LCP1: variants seen among roughly 807,000 people sequenced by gnomAD.
LCP1 encodes lymphocyte cytosolic protein 1.
LCP1 carries 23 observed loss-of-function variants against 72.0 expected under a neutral mutation model. The ratio of observed to expected loss-of-function variants is 0.32; its 90% CI spans 0.23 to 0.45. LCP1 has a LOEUF of 0.45. Ranked by LOEUF, LCP1 falls within the 20% of genes least tolerant of loss-of-function variation. LCP1 has a pLI of 1.00. For missense variants in LCP1, 571 were observed against 748.3 expected, an observed-to-expected ratio of 0.76 and a Z score of 2.76; for synonymous variants, 245 against 275.4, an observed-to-expected ratio of 0.89 and a Z score of 1.09.
chr13:46,162,939 T>A (rs1400259602), intron 1 of LCP1, among the ~76,000 whole-genome samples: 1 of 150,304 alleles, frequency 6.7e-6, no homozygotes, highest in Non-Finnish European at 1.5e-5. Flanking sequence ...GAGGCGCCCC[T>A]CCGCCTGGCA....
intron 1 of LCP1, among the ~76,000 whole-genome samples, chr13:46,164,722 C>T (rs377466985): frequency 5.3e-5 from 8 of 152,216 alleles, no homozygotes; most frequent in African/African-American, 1.9e-4. Flanking sequence ...TTACCATCAG[C>T]ATGAGCAGCA....
intron 14 of LCP1, 70 bp downstream of exon 14, chr13:46,134,057 A>G: frequency 6.5e-7 from 1 of 1,542,166 alleles, no homozygotes; most frequent in Non-Finnish European, 8.9e-7. Context: ...GGTCACTTGA[A>G]CACATAATGA....
At position 46,148,389 on chromosome 13, in the gene LCP1, CCTT is replaced by C. The variant is rs1228364150; in HGVS notation, c.938_940del (p.Glu313del). 1.9e-6 allele frequency: 3 copies of C among 1,613,494 alleles called. No homozygotes were observed. The highest frequency in any genetic ancestry group is 2.2e-5 in the East Asian group (1 of 44,878). ...CATGTCAATAACAACAGCAGGAACA[CCTT>C]CTTCATCTCCTTTTGGAGCCACCTG... On this transcript the variant is annotated inframe_deletion, in exon 9 of 16. Transcript: ENST00000323076.
At chr13:46,128,455 A>G (rs558201516) in intron 15 of LCP1, among the ~76,000 whole-genome samples, 9 of 152,196 alleles carry the variant, frequency 5.9e-5, no homozygotes, top group Non-Finnish European at 8.8e-5. Flanking sequence ...AAAATTAGCC[A>G]GGCGTGGTGG....
At chr13:46,138,231 G>A (rs1230272059) in intron 13 of LCP1, among the ~76,000 whole-genome samples, 1 of 139,100 alleles carries the variant, frequency 7.2e-6, no homozygotes, top group Admixed American at 6.8e-5. Flanking sequence ...AGGAAAAAAT[G>A]ACAAGCCATT....
intron 10 of LCP1, among the ~76,000 whole-genome samples, chr13:46,145,425 T>C (rs1427668580): frequency 6.6e-6 from 1 of 152,044 alleles, no homozygotes; most frequent in Non-Finnish European, 1.5e-5. Flanking sequence ...AATTAGTGTA[T>C]GAGGTAATGA....
chr13:46,134,361 T>C lies in LCP1; in HGVS notation c.1503-111A>G. 3 of 854,108 alleles carry C rather than the reference T, an allele frequency of 3.5e-6. No individual in the cohort carries two copies. In the South Asian group the frequency reaches 5.0e-5, roughly 14 times the overall value. The allele number at this position is 854,108 out of a possible 1,614,324, so 52.9% of individuals were successfully genotyped here. A position where few individuals can be genotyped will look rare whatever the true frequency, so the allele number is the denominator to read the frequency against. On this transcript the variant is annotated intron_variant, in intron 13 of 15. Transcript: ENST00000323076. ...TTCGGGTATGTCATAGAAGACAGTCTGGACACCATTACATTTGAGAGAAAA... is the reference window on the plus strand; with the variant it reads ...TTCGGGTATGTCATAGAAGACAGTCCGGACACCATTACATTTGAGAGAAAA...
intron 13 of LCP1, among the ~76,000 whole-genome samples, chr13:46,135,404 T>C (rs756328367): frequency 1.3e-5 from 2 of 152,318 alleles, no homozygotes; most frequent in African/African-American, 4.8e-5. Context: ...CCTCCACTTG[T>C]GTGCTCTAGG....
At chr13:46,129,782 G>A (rs529352936) in intron 15 of LCP1, among the ~76,000 whole-genome samples, 2 of 152,128 alleles carry the variant, frequency 1.3e-5, no homozygotes, top group Non-Finnish European at 2.9e-5. Flanking sequence ...ATATGCTGAA[G>A]TCTTAACCCC....
chr13:46,142,628 A>G lies in LCP1; in HGVS notation c.1369-203T>C, dbSNP rs1411686290. 1.5e-5 allele frequency: 9 copies of G among 599,718 alleles called. No individual in the cohort carries two copies. In the Middle Eastern group the frequency reaches 1.5e-3, roughly 97 times the overall value. The allele number at this position is 599,718 out of a possible 1,614,324, so 37.1% of individuals were successfully genotyped here. ...TTAGAACCCCTCACTTTCATAAAAA[A>G]TATTCATAATGTGGAAAACTGAAAT... On this transcript the variant is annotated intron_variant, in intron 12 of 15. Transcript: ENST00000323076.
chr13:46,179,058 G>A (rs1347484414), intron 1 of LCP1, among the ~76,000 whole-genome samples: 1 of 152,168 alleles, frequency 6.6e-6, no homozygotes, highest in African/African-American at 2.4e-5. Context: ...TCATCAAAGA[G>A]GCCCATTATT....
At chr13:46,143,562 G>C (rs2045711152) in intron 11 of LCP1, among the ~76,000 whole-genome samples, 158 bp from the exon 12 acceptor site, 1 of 152,194 alleles carries the variant, frequency 6.6e-6, no homozygotes, top group Non-Finnish European at 1.5e-5. Flanking sequence ...AAGAAACCAT[G>C]ACTCAGAGAG....
At chr13:46,171,597 A>G (rs1336511180) in intron 1 of LCP1, among the ~76,000 whole-genome samples, 2 of 152,214 alleles carry the variant, frequency 1.3e-5, no homozygotes, top group African/African-American at 4.8e-5. Flanking sequence ...ATTCACTCAC[A>G]TTTAATAAAG....
chr13:46,163,986 A>G (rs1051913558), intron 1 of LCP1, among the ~76,000 whole-genome samples: 1 of 152,232 alleles, frequency 6.6e-6, no homozygotes, highest in South Asian at 2.1e-4. Flanking sequence ...ATTATAAGAT[A>G]CATTCATTCA....
At chr13:46,181,535 A>T (rs558275299) in intron 1 of LCP1, among the ~76,000 whole-genome samples, 31 of 152,256 alleles carry the variant, frequency 2.0e-4, no homozygotes, top group Admixed American at 1.6e-3. Flanking sequence ...CTCTAATTCC[A>T]TGTGGTTATA....
At chr13:46,128,003 G>GT (rs11398954) in intron 15 of LCP1, among the ~76,000 whole-genome samples, 1,681 of 126,964 alleles carry the variant, frequency 0.013, 32 homozygotes, top group African/African-American at 0.047. Context: ...TTTAAGTTAA[G>GT]TTTTTTTTTT....
At chr13:46,136,695 TTAAG>T (rs2045667117) in intron 13 of LCP1, among the ~76,000 whole-genome samples, 2 of 152,190 alleles carry the variant, frequency 1.3e-5, no homozygotes, top group Admixed American at 1.3e-4. Flanking sequence ...AGCATGCATA[TTAAG>T]TTATTAGCAT....
At chr13:46,153,366 G>A (rs1444364420) in intron 6 of LCP1, 2 of 153,182 alleles carry the variant, frequency 1.3e-5, no homozygotes, top group African/African-American at 4.8e-5. Context: ...GATCATAAAA[G>A]AGAGTAGCAG....
intron 15 of LCP1, among the ~76,000 whole-genome samples, chr13:46,129,556 C>T (rs576038120): frequency 3.3e-4 from 51 of 152,278 alleles, no homozygotes; most frequent in Admixed American, 2.4e-3. Flanking sequence ...CCTTCCACAC[C>T]TCTCATCACA....
Sources: allele counts gnomAD v4.1 joint callset (sites outside exome capture counted in the v4.1 genomes callset), GRCh38; gene constraint gnomAD v4.1.1; transcripts MANE v1.5; gene names NCBI Gene and HGNC (gene_info 2026-07-23, HGNC 2026-07-21).